Variants in CHDH observed in about 807,000 individuals in gnomAD.
CHDH encodes the protein choline dehydrogenase, also known as choline dehydrogenase, mitochondrial.
In CHDH, 43 loss-of-function variants were observed where a neutral mutation model predicts 56.9. The ratio of observed to expected loss-of-function variants is 0.76; its 90% CI spans 0.59 to 0.97. The LOEUF (loss-of-function observed/expected upper bound fraction) is 0.97, where lower values mean the gene tolerates loss of function less well. Among genes scored for constraint, CHDH ranks in the 50% least tolerant of loss-of-function variants. The pLI is 0.00. For synonymous variants in CHDH, 364 were observed against 348.5 expected (o/e 1.04, Z -0.50); for missense variants, 816 against 821.1 (o/e 0.99, Z 0.08).
rs200159976 is a variant in CHDH at position 53,817,983 on chromosome 3, C to T, written c.1579G>A (p.Val527Met). 60 of 1,614,192 alleles carry T rather than the reference C, an allele frequency of 3.7e-5. No individual in the cohort carries two copies. Among genetic ancestry groups the T allele is most frequent in the Non-Finnish European group, 4.7e-5 (55 of 1,180,044 alleles). Residue 527 changes from valine (V) to methionine (M), a missense_variant, in exon 9 of 9, where the codon GTG (valine) becomes ATG (methionine). Coordinates refer to ENST00000315251, the MANE Select transcript of CHDH (RefSeq NM_018397.5). ...AGGACCCTTGTCTGCGGATCCACCA[C>T]GGCAGTGGGATCGGAGGGCTGGCCC... The part of the protein sequence containing the change: ...KMGQPSDPTA[V>M]VDPQTRVLGV...
intron 2 of CHDH, among the ~76,000 whole-genome samples, chr3:53,839,178 A>G (rs1553699818): frequency 3.3e-5 from 5 of 152,244 alleles, no homozygotes; most frequent in Non-Finnish European, 7.3e-5. Flanking sequence ...TGTATAGTCC[A>G]GGCAGGGGTC....
intron 2 of CHDH, among the ~76,000 whole-genome samples, chr3:53,831,230 A>G (rs901510493): frequency 6.6e-6 from 1 of 152,270 alleles, no homozygotes; most frequent in Admixed American, 6.5e-5. Context: ...TGTGAGTGCC[A>G]GCTCAGCTAC....
At chr3:53,820,967 G>A (rs1451706791) in intron 5 of CHDH, among the ~76,000 whole-genome samples, 1 of 152,252 alleles carries the variant, frequency 6.6e-6, no homozygotes, top group African/African-American at 2.4e-5. Context: ...CAGAGGGGCA[G>A]ACAGCAGCCC....
chr3:53,823,028 T>G lies in CHDH; in HGVS notation c.703+278A>C, dbSNP rs76920163. Among the ~76,000 whole-genome samples, 377 of 152,230 alleles carry G rather than the reference T, an allele frequency of 2.5e-3. 1 individual carries two copies. Among genetic ancestry groups the G allele is most frequent in the Non-Finnish European group, 4.5e-3 (305 of 68,004 alleles). On this transcript the variant is annotated intron_variant, in intron 3 of 8. Coordinates refer to ENST00000315251, the MANE Select transcript of CHDH (RefSeq NM_018397.5). ...CCCATGTGCAAGTCCCTAGAGGAGT[T>G]AGGCTCTCTGTCCAGAGAGCTGATT...
Position 53,823,492 on chromosome 3 carries a change from G to C in CHDH, c.517C>G (p.His173Asp). The change falls in exon 3 of 9, where the codon CAC becomes GAC. Residue 173 changes from histidine (H) to aspartate (D), a missense_variant. Transcript: ENST00000315251. ...CGGTACCGGCTGGCGCCCAGCTCGT[G>C]GCCCTGCGCCTTGCGGAAGTAGGGC... ...CLPYFRKAQG[H>D]ELGASRYRGA... The C allele has an allele frequency of 6.5e-7, 1 of 1,543,210 alleles. No homozygotes were observed. The highest frequency in any genetic ancestry group is 8.7e-7 in the Non-Finnish European group (1 of 1,145,476).
In CHDH at chr3:53,817,739, CA is replaced by C; in HGVS notation, c.*37del. 2 of 1,544,934 alleles carry C rather than the reference CA, an allele frequency of 1.3e-6. No homozygotes were observed. The highest frequency in any genetic ancestry group is 2.5e-5 in the South Asian group (2 of 79,176). On this transcript the variant is annotated 3_prime_UTR_variant, in exon 9 of 9. Transcript: ENST00000315251. ...GGCTGTGCTGGCCCTCTTGGCTTAT[CA>C]GGGGGCTTCCCTGGTCATCCTCCAG...
intron 5 of CHDH, among the ~76,000 whole-genome samples, chr3:53,820,936 C>T (rs1435899211): frequency 6.6e-6 from 1 of 152,232 alleles, no homozygotes; most frequent in African/African-American, 2.4e-5. Flanking sequence ...GCTTGGTGAG[C>T]GGTTGCTGGA....
chr3:53,819,534 G>C lies in CHDH; in HGVS notation c.1261C>G (p.Gln421Glu), dbSNP rs745384215. The C allele has an allele frequency of 6.2e-7, 1 of 1,607,454 alleles. No individual in the cohort carries two copies. Among genetic ancestry groups the C allele is most frequent in the East Asian group, 2.2e-5 (1 of 44,552 alleles). Residue 421 changes from glutamine (Q) to glutamate (E), a missense_variant and splice_region_variant, in exon 7 of 9, where the codon CAG becomes GAG. Gln to Glu is a conservative substitution (Grantham distance 29). Transcript: ENST00000315251. This position sits in a 1 kb window ranked among gnomAD's most constrained non-coding sequence, Gnocchi z 5.4. ...CCGAGGCTCTTCCACCTGCTCACCT[G>C]GTAAGCCTCCTGCTGGGTGGGGACC... ...GRVPTQQEAY[Q>E]VHVGPMRGTS... is the part of the protein sequence containing the mutation.
chr3:53,827,570 A>C (rs1267242535), intron 2 of CHDH, among the ~76,000 whole-genome samples: 30 of 152,200 alleles, frequency 2.0e-4, no homozygotes, highest in Non-Finnish European at 4.0e-4. Flanking sequence ...GAGAGGTATG[A>C]TTGAGCCACT....
At position 53,819,051 on chromosome 3, in the gene CHDH, A is replaced by C; in HGVS notation, c.1264-11T>G. On this transcript the variant is annotated splice_polypyrimidine_tract_variant and intron_variant, in intron 7 of 8. Coordinates refer to ENST00000315251, the MANE Select transcript of CHDH (RefSeq NM_018397.5). This position sits in a 1 kb window ranked among gnomAD's most constrained non-coding sequence, Gnocchi z 5.4. ...GGGCCCCACATGTACCTAGAAGAAC[A>C]CAGAGGAAGCAGTGACGGTCCCTCC... is the stretch of plus-strand genomic sequence containing the variant. The C allele has an allele frequency of 6.3e-7, 1 of 1,589,540 alleles. No individual in the cohort carries two copies. Among genetic ancestry groups the C allele is most frequent in the Non-Finnish European group, 8.6e-7 (1 of 1,158,622 alleles).
At chr3:53,827,697 A>T (rs2095641468) in intron 2 of CHDH, among the ~76,000 whole-genome samples, 1 of 152,236 alleles carries the variant, frequency 6.6e-6, no homozygotes, top group Non-Finnish European at 1.5e-5. Flanking sequence ...AATATGTGCA[A>T]GATCTATATG....
chr3:53,832,329 A>G (rs1312792269), intron 2 of CHDH, among the ~76,000 whole-genome samples: 1 of 152,194 alleles, frequency 6.6e-6, no homozygotes, highest in Non-Finnish European at 1.5e-5. Context: ...CAGGAGATTA[A>G]GACCATCCTG....
In CHDH at chr3:53,817,699, G is replaced by A. The variant is rs147713779; in HGVS notation, c.*78C>T. ...TAGTGTGCTAGATAGTTTCAGGCAG[G>A]AGCCTGGGAGCAAGGGCTGTGCTGG... On this transcript the variant is annotated 3_prime_UTR_variant, in exon 9 of 9. Coordinates refer to ENST00000315251, the MANE Select transcript of CHDH (RefSeq NM_018397.5). The A allele has an allele frequency of 3.9e-3, 5,010 of 1,283,400 alleles. 20 individuals are homozygous for A. Among genetic ancestry groups the A allele is most frequent in the Middle Eastern group, 0.011 (39 of 3,580 alleles). The allele number at this position is 1,283,400 out of a possible 1,614,324, so 79.5% of individuals were successfully genotyped here.
In CHDH at chr3:53,813,524, A is replaced by ACTC. The variant is rs1009581157; in HGVS notation, c.*4250_*4252dup. ...TACACCACTGTCAACATTATCCTGGACTCTGTGTCTCTCTCTGTTGGGTCT... is the reference window on the plus strand; with the variant it reads ...TACACCACTGTCAACATTATCCTGGACTCCTCTGTGTCTCTCTCTGTTGGGTCT... On this transcript the variant is annotated 3_prime_UTR_variant, in exon 9 of 9. Transcript: ENST00000315251. The ACTC allele has an allele frequency of 8.5e-5, 13 of 152,050 alleles. No homozygotes were observed. Among genetic ancestry groups the ACTC allele is most frequent in the African/African-American group, 2.9e-4 (12 of 41,396 alleles). 9.4% of individuals were successfully genotyped at this position (152,050 alleles called of 1,614,324 possible).
At chr3:53,820,287 G>A (rs947613479) in intron 6 of CHDH, among the ~76,000 whole-genome samples, 187 bp downstream of exon 6, 4 of 152,242 alleles carry the variant, frequency 2.6e-5, no homozygotes, top group Admixed American at 6.5e-5. Flanking sequence ...TCTGGTCCTC[G>A]CTTCAACCTG....
chr3:53,842,234 C>G (rs1470423850), intron 1 of CHDH, among the ~76,000 whole-genome samples: 1 of 152,120 alleles, frequency 6.6e-6, no homozygotes, highest in Non-Finnish European at 1.5e-5. Context: ...CCTCTTCTTA[C>G]ATAGCCTCAC....
intron 1 of CHDH, among the ~76,000 whole-genome samples, chr3:53,843,397 T>C (rs937558979): frequency 6.6e-6 from 1 of 152,068 alleles, no homozygotes; most frequent in Non-Finnish European, 1.5e-5. Flanking sequence ...GGCCAACAGA[T>C]GGTGAATGAG....
chr3:53,822,259 T>C (rs2095628405), intron 4 of CHDH, among the ~76,000 whole-genome samples: 1 of 151,768 alleles, frequency 6.6e-6, no homozygotes, highest in Non-Finnish European at 1.5e-5. Flanking sequence ...AGCTCTGAAT[T>C]AGGCATGGCA....
chr3:53,825,281 G>A (rs373462649), intron 2 of CHDH, among the ~76,000 whole-genome samples: 14 of 152,294 alleles, frequency 9.2e-5, no homozygotes, highest in Non-Finnish European at 2.1e-4. Context: ...TCCTTATCAA[G>A]AGATAAAGTA....
Sources: allele counts gnomAD v4.1 joint callset (sites outside exome capture counted in the v4.1 genomes callset), GRCh38; gene constraint gnomAD v4.1.1; non-coding constraint Gnocchi (gnomAD v3.1); transcripts MANE v1.5; gene names NCBI Gene and HGNC (gene_info 2026-07-23, HGNC 2026-07-21).